TMEM117: variants seen among roughly 807,000 people sequenced by gnomAD.
The protein encoded by TMEM117 is transmembrane protein 117.
Under a neutral mutation model 52.4 loss-of-function variants are expected in TMEM117, and 27 were observed. That is an observed-to-expected ratio of 0.51 (90% CI 0.38 to 0.71). TMEM117 has a LOEUF of 0.71. Among genes scored for constraint, TMEM117 ranks in the 30% least tolerant of loss-of-function variants. The pLI is 0.00. For synonymous variants in TMEM117, 215 were observed against 206.3 expected, an observed-to-expected ratio of 1.04 and a Z score of -0.36; for missense variants, 556 against 630.5, an observed-to-expected ratio of 0.88 and a Z score of 1.26.
intron 6 of TMEM117, among the ~76,000 whole-genome samples, chr12:44,333,221 A>G (rs920290030): frequency 3.3e-5 from 5 of 152,050 alleles, no homozygotes; most frequent in Non-Finnish European, 7.4e-5. Flanking sequence ...GAGTAAGTGT[A>G]CTGCATGGAG....
At chr12:43,926,044 G>T (rs1442699064) in intron 2 of TMEM117, among the ~76,000 whole-genome samples, 2 of 152,138 alleles carry the variant, frequency 1.3e-5, no homozygotes, top group Admixed American at 1.3e-4. Context: ...AATGTTTGAG[G>T]TTAATCTGTA....
At chr12:44,021,678 A>G (rs796981820) in intron 3 of TMEM117, among the ~76,000 whole-genome samples, 13 of 152,352 alleles carry the variant, frequency 8.5e-5, no homozygotes, top group Admixed American at 2.6e-4. Context: ...CTCCAGCAAT[A>G]AAGACATGAA....
intron 3 of TMEM117, among the ~76,000 whole-genome samples, chr12:43,962,493 C>T (rs1285675911): frequency 6.6e-6 from 1 of 152,036 alleles, no homozygotes; most frequent in Non-Finnish European, 1.5e-5. Flanking sequence ...ATTTTAAGAA[C>T]CACCACTTTA....
chr12:43,983,684 A>AC (rs1945799237), intron 3 of TMEM117, among the ~76,000 whole-genome samples: 2 of 151,426 alleles, frequency 1.3e-5, no homozygotes, highest in African/African-American at 4.9e-5. Flanking sequence ...ACAGGAGGGA[A>AC]TTAATCTACA....
intron 2 of TMEM117, 101 bp from the exon 3 acceptor site, chr12:43,944,109 C>T: frequency 9.3e-7 from 1 of 1,071,812 alleles, no homozygotes; most frequent in Non-Finnish European, 1.3e-6. Flanking sequence ...GCAAAGACTT[C>T]AGAATATAGT....
chr12:44,253,784 A>G lies in TMEM117; in HGVS notation c.608+42397A>G, dbSNP rs1389801297. Among the ~76,000 whole-genome samples the G allele has an allele frequency of 4.6e-5, 7 of 151,530 alleles. No individual in the cohort carries two copies. In the Admixed American group the frequency reaches 4.6e-4, roughly 10 times the overall value. On this transcript the variant is annotated intron_variant, in intron 5 of 7. Transcript: ENST00000266534. ...AAGTGGTAAAGCCAGTTATAAATCCAATGTGACTTCAGAACTTGCATAAAA... is the reference window on the plus strand; with the variant it reads ...AAGTGGTAAAGCCAGTTATAAATCCGATGTGACTTCAGAACTTGCATAAAA...
At chr12:44,093,808 A>C (rs570099674) in intron 3 of TMEM117, among the ~76,000 whole-genome samples, 112 of 140,994 alleles carry the variant, frequency 7.9e-4, no homozygotes, top group Non-Finnish European at 1.4e-3. Flanking sequence ...GATAGACTGG[A>C]TGACCACTAA....
chr12:44,098,581 G>C (rs1320703305), intron 3 of TMEM117, among the ~76,000 whole-genome samples: 1 of 152,014 alleles, frequency 6.6e-6, no homozygotes, highest in Admixed American at 6.6e-5. Context: ...TTAGTATTCT[G>C]TGTGTTACAT....
Position 44,388,170 on chromosome 12 carries a change from G to C in TMEM117, c.1043G>C (p.Ser348Thr). 1 of 1,613,328 alleles carries C rather than the reference G, an allele frequency of 6.2e-7. No individual in the cohort carries two copies. Among genetic ancestry groups the C allele is most frequent in the Non-Finnish European group, 8.5e-7 (1 of 1,179,602 alleles). The change falls in exon 8 of 8, where the codon AGT becomes ACT. Residue 348 changes from serine (S) to threonine (T), a missense_variant. Around this residue, in one of 3 missense-constraint regions of TMEM117, gnomAD observed 206 missense variants for 211.1 expected, o/e 0.98. Coordinates refer to ENST00000266534, the MANE Select transcript of TMEM117 (RefSeq NM_032256.3). ...QKIYTVKDSE[S>T]LKDLNRTKLS... ...ATATATACAGTGAAAGACTCAGAAA[G>C]TTTAAAAGATTTGAACAGAACCAAG...
At chr12:44,003,386 A>G (rs942555172) in intron 3 of TMEM117, among the ~76,000 whole-genome samples, 1 of 152,172 alleles carries the variant, frequency 6.6e-6, no homozygotes, top group Non-Finnish European at 1.5e-5. Flanking sequence ...ACCGCAAACA[A>G]TGGCATTCTG....
chr12:44,272,901 G>A (rs1950464134), intron 5 of TMEM117, among the ~76,000 whole-genome samples: 1 of 152,114 alleles, frequency 6.6e-6, no homozygotes, highest in African/African-American at 2.4e-5. Context: ...AAATCATGCT[G>A]CTATAAAGAC....
intron 4 of TMEM117, among the ~76,000 whole-genome samples, chr12:44,180,227 ATCATCATCATCATCG>A (rs1197810019): frequency 6.6e-6 from 1 of 151,980 alleles, no homozygotes; most frequent in Non-Finnish European, 1.5e-5. Context: ...CATCACCATC[ATCATCATCATCATCG>A]TCATCATCAT....
intron 2 of TMEM117, among the ~76,000 whole-genome samples, chr12:43,865,579 TC>T (rs1943578345): frequency 6.6e-6 from 1 of 151,752 alleles, no homozygotes; most frequent in Non-Finnish European, 1.5e-5. Flanking sequence ...TGTCTGTAAT[TC>T]CAGCTACTAG....
chr12:43,797,351 A>G, the TMEM117 span: 1 of 1,605,590 alleles, frequency 6.2e-7, no homozygotes, highest in Non-Finnish European at 8.5e-7. Context: ...ACAGAAAGAA[A>G]TGGTAACGAG....
rs1408007591 is a variant in TMEM117 at position 43,836,173 on chromosome 12, C to A, written c.-52C>A. ...GACCGCGAATCCCGTGTGCAGTCGC[C>A]CCGCGCCCCGCGCGACCCTTCGGGT... On this transcript the variant is annotated 5_prime_UTR_variant, in exon 1 of 8. Coordinates refer to ENST00000266534, the MANE Select transcript of TMEM117 (RefSeq NM_032256.3). 2.0e-5 allele frequency: 3 copies of A among 152,126 alleles called. No homozygotes were observed. Among genetic ancestry groups the A allele is most frequent in the African/African-American group, 7.2e-5 (3 of 41,438 alleles). 9.4% of individuals were successfully genotyped at this position (152,126 alleles called of 1,614,324 possible).
At chr12:44,308,693 C>G (rs931470624) in intron 6 of TMEM117, among the ~76,000 whole-genome samples, 3 of 151,064 alleles carry the variant, frequency 2.0e-5, no homozygotes, top group Admixed American at 6.6e-5. Flanking sequence ...CATCTCGGCT[C>G]GCTGCAAGCT....
chr12:44,086,994 A>C (rs1947581383), intron 3 of TMEM117, among the ~76,000 whole-genome samples: 1 of 147,698 alleles, frequency 6.8e-6, no homozygotes, highest in African/African-American at 2.5e-5. Flanking sequence ...ATAATTAATA[A>C]TTATAAATTA....
At chr12:44,151,803 G>A (rs550015185) in intron 4 of TMEM117, among the ~76,000 whole-genome samples, 6 of 141,466 alleles carry the variant, frequency 4.2e-5, no homozygotes, top group Admixed American at 2.3e-4. Flanking sequence ...CTTGTGGGCC[G>A]AGAACTATTC....
At chr12:44,276,487 G>A (rs1276504485) in intron 5 of TMEM117, among the ~76,000 whole-genome samples, 1 of 152,066 alleles carries the variant, frequency 6.6e-6, no homozygotes, top group African/African-American at 2.4e-5. Flanking sequence ...AGCAGCTGGG[G>A]GTGAGGGGAC....
Sources: allele counts gnomAD v4.1 joint callset (sites outside exome capture counted in the v4.1 genomes callset), GRCh38; gene constraint gnomAD v4.1.1; regional missense constraint gnomAD v4.1.1; transcripts MANE v1.5; gene names NCBI Gene and HGNC (gene_info 2026-07-23, HGNC 2026-07-21).